PRPSAP2: variants seen among roughly 807,000 people sequenced by gnomAD.
The protein encoded by PRPSAP2 is phosphoribosyl pyrophosphate synthetase associated protein 2.
Under a neutral mutation model 40.6 loss-of-function variants are expected in PRPSAP2, and 24 were observed. The observed-to-expected ratio is 0.59, with a 90% confidence interval of 0.43 to 0.83. PRPSAP2 has a LOEUF of 0.83. Among genes scored for constraint, PRPSAP2 ranks in the 40% least tolerant of loss-of-function variants. The pLI, the probability that PRPSAP2 is intolerant of heterozygous loss-of-function variation, is 0.00. For synonymous variants in PRPSAP2, 149 were observed against 164.7 expected (o/e 0.90, Z 0.73); for missense variants, 292 against 465.6 (o/e 0.63, Z 3.43).
rs908000490 is a variant in PRPSAP2, at chr17:18,883,813, A to G, written c.528+1130A>G. Among the ~76,000 whole-genome samples the G allele has an allele frequency of 3.3e-5, 5 of 152,306 alleles. No homozygotes were observed. In the South Asian group the frequency reaches 1.0e-3, roughly 32 times the overall value. On this transcript the variant is annotated intron_variant, in intron 7 of 11. Transcript: ENST00000268835. ...TACTGTATTTAAAAGATGGCAGTTT[A>G]TAGGTTTCTGAGGAACTTCTTTCTG...
chr17:18,876,488 C>CT (rs2038309419), intron 5 of PRPSAP2, among the ~76,000 whole-genome samples: 1 of 152,210 alleles, frequency 6.6e-6, no homozygotes, highest in Non-Finnish European at 1.5e-5. Flanking sequence ...TTCACTCCTT[C>CT]TTTCATTAAC....
intron 9 of PRPSAP2, among the ~76,000 whole-genome samples, chr17:18,921,646 G>A (rs1307593153): frequency 6.6e-6 from 1 of 152,120 alleles, no homozygotes; most frequent in Non-Finnish European, 1.5e-5. Flanking sequence ...CAGAATCAAG[G>A]GGGTGGCTAC....
At chr17:18,917,243 G>C (rs2041371513) in intron 9 of PRPSAP2, among the ~76,000 whole-genome samples, 1 of 151,932 alleles carries the variant, frequency 6.6e-6, no homozygotes, top group Admixed American at 6.6e-5. Context: ...AAGAGGAAAG[G>C]CAGTTTAATC....
chr17:18,864,450 C>T (rs1178683133), intron 1 of PRPSAP2, among the ~76,000 whole-genome samples: 3 of 151,932 alleles, frequency 2.0e-5, no homozygotes, highest in Admixed American at 6.6e-5. Flanking sequence ...GCCACCACCA[C>T]GCCCAGCTCA....
intron 10 of PRPSAP2, 120 bp from the exon 11 acceptor site, chr17:18,928,691 G>A (rs547809682): frequency 7.3e-7 from 1 of 1,363,344 alleles, no homozygotes; most frequent in Non-Finnish European, 1.0e-6. Flanking sequence ...TCTGCACAAG[G>A]CCAAGTGGAA....
intron 7 of PRPSAP2, among the ~76,000 whole-genome samples, chr17:18,884,318 G>A (rs2038978518): frequency 7.0e-6 from 1 of 141,924 alleles, no homozygotes; most frequent in Non-Finnish European, 1.5e-5. Flanking sequence ...AAATAATAGA[G>A]ACTTTAATTT....
At chr17:18,889,907 G>T (rs2039431993) in intron 8 of PRPSAP2, 30 bp downstream of exon 8, 2 of 1,597,820 alleles carry the variant, frequency 1.3e-6, no homozygotes, top group Non-Finnish European at 1.7e-6. Context: ...CCTCTTTCTG[G>T]ATCTACTTCT....
At chr17:18,860,675 C>A (rs1298936625) in intron 1 of PRPSAP2, 1 of 152,210 alleles carries the variant, frequency 6.6e-6, no homozygotes, top group East Asian at 1.9e-4. Context: ...CCTACTTCAG[C>A]CATCTTTAAG....
Position 18,931,011 on chromosome 17 carries a change from C to T in PRPSAP2, c.*313C>T, listed in dbSNP as rs1024035794. 1 of 194,318 alleles carries T rather than the reference C, an allele frequency of 5.1e-6. No homozygotes were observed. The highest frequency in any genetic ancestry group is 2.3e-5 in the African/African-American group (1 of 43,114). The allele number at this position is 194,318 out of a possible 1,614,324, so 12.0% of individuals were successfully genotyped here. Reference sequence around the variant, plus strand: ...CTCACAAAGCCTTCTTCCAAAGTTGCTTGAGCCAAGTGCTTAAAAAGTTAA... The same window carrying T: ...CTCACAAAGCCTTCTTCCAAAGTTGTTTGAGCCAAGTGCTTAAAAAGTTAA... On this transcript the variant is annotated 3_prime_UTR_variant, in exon 12 of 12. Transcript: ENST00000268835.
At chr17:18,901,472 C>CT in intron 8 of PRPSAP2, among the ~76,000 whole-genome samples, 1 of 151,612 alleles carries the variant, frequency 6.6e-6, no homozygotes, top group South Asian at 2.1e-4. Flanking sequence ...CTCCGCCTCC[C>CT]GGGTTCATGC....
rs1300410553 is a variant in PRPSAP2, at chr17:18,930,597, A to G, written c.1009A>G (p.Lys337Glu). Reference protein sequence around the residue: ...EVQKLQCPKIKTVDISMILSE... With the variant: ...EVQKLQCPKIETVDISMILSE... ...CCAGAAGCTCCAGTGCCCCAAGATT[A>G]AAACTGTGGATATCAGCATGATCCT... Residue 337 changes from lysine (K) to glutamate (E), a missense_variant, in exon 12 of 12, where the codon AAA (lysine) becomes GAA (glutamate). Lys to Glu is a moderately conservative substitution (Grantham distance 56). This residue lies in a region of PRPSAP2 where 241 missense variants were observed against 425.7 expected (regional missense o/e 0.57). Transcript: ENST00000268835. The G allele has an allele frequency of 6.2e-7, 1 of 1,613,872 alleles. No individual in the cohort carries two copies.
intron 8 of PRPSAP2, among the ~76,000 whole-genome samples, chr17:18,893,749 C>T (rs1365000530): frequency 4.6e-5 from 7 of 151,400 alleles, no homozygotes; most frequent in African/African-American, 9.7e-5. Flanking sequence ...TTAGTAGAGA[C>T]GGGGTTTCGC....
chr17:18,893,332 G>A (rs1016156728), intron 8 of PRPSAP2, among the ~76,000 whole-genome samples: 13 of 151,916 alleles, frequency 8.6e-5, no homozygotes, highest in African/African-American at 3.1e-4. Flanking sequence ...GTATTTTTTA[G>A]TAGAGATGGA....
intron 8 of PRPSAP2, chr17:18,908,512 G>A (rs926209713): frequency 5.3e-6 from 4 of 758,116 alleles, no homozygotes; most frequent in African/African-American, 3.4e-5. Flanking sequence ...AACACAAGGA[G>A]AAAGGGACCA....
In PRPSAP2 at chr17:18,920,950, C is replaced by T. The variant is rs894466280; in HGVS notation, c.734-2964C>T. Among the ~76,000 whole-genome samples the T allele has an allele frequency of 6.6e-5, 10 of 152,166 alleles. No individual in the cohort carries two copies. The South Asian group carries it at 1.0e-3, about 16-fold the overall frequency. On this transcript the variant is annotated intron_variant, in intron 9 of 11. Transcript: ENST00000268835. ...CTGCCTCCTTCTCCCAGCTGCCCGACGTGTCATCTCAGGTCACCAGAAACT... is the reference window on the plus strand; with the variant it reads ...CTGCCTCCTTCTCCCAGCTGCCCGATGTGTCATCTCAGGTCACCAGAAACT...
intron 8 of PRPSAP2, among the ~76,000 whole-genome samples, chr17:18,899,480 A>G (rs556133897): frequency 7.9e-6 from 1 of 126,378 alleles, no homozygotes; most frequent in South Asian, 2.5e-4. Flanking sequence ...TATTATTTTC[A>G]CTGTAACTTC....
intron 8 of PRPSAP2, among the ~76,000 whole-genome samples, chr17:18,891,826 A>G (rs935769849): frequency 3.3e-5 from 5 of 152,126 alleles, no homozygotes; most frequent in Non-Finnish European, 4.4e-5. Context: ...AGGTTCATCT[A>G]TGGTGTAGCA....
At chr17:18,922,883 CAG>C (rs1018819501) in intron 9 of PRPSAP2, among the ~76,000 whole-genome samples, 2 of 150,928 alleles carry the variant, frequency 1.3e-5, no homozygotes, top group African/African-American at 4.9e-5. Flanking sequence ...CCATGTTGCT[CAG>C]GCTGGTCTCA....
rs1191147660 is a variant in PRPSAP2 at position 18,928,963 on chromosome 17, AG to A, written c.951+9del. On this transcript the variant is annotated splice_region_variant and intron_variant, in intron 11 of 11. Transcript: ENST00000268835. ...AAGAGTCTGCCATTGATGAGGTAAC[AG>A]GGTCTGGGTGTGTGTGGGTACAGCT... The A allele has an allele frequency of 6.2e-7, 1 of 1,612,320 alleles. No homozygotes were observed. The highest frequency in any genetic ancestry group is 8.5e-7 in the Non-Finnish European group (1 of 1,178,712).
Sources: allele counts gnomAD v4.1 joint callset (sites outside exome capture counted in the v4.1 genomes callset), GRCh38; gene constraint gnomAD v4.1.1; regional missense constraint gnomAD v4.1.1; transcripts MANE v1.5; gene names NCBI Gene and HGNC (gene_info 2026-07-23, HGNC 2026-07-21).